SYNRG: variants seen among roughly 807,000 people sequenced by gnomAD.
SYNRG encodes the protein synergin gamma, also known as AP1 gamma subunit binding protein 1.
A neutral mutation model predicts 130.9 loss-of-function variants in SYNRG; 37 were observed. That is an observed-to-expected ratio of 0.28 (90% CI 0.22 to 0.37). The LOEUF (loss-of-function observed/expected upper bound fraction) is 0.37, where lower values mean the gene tolerates loss of function less well. Ranked by LOEUF, SYNRG falls within the 10% of genes least tolerant of loss-of-function variation. The probability of loss-of-function intolerance (pLI) is 1.00; values close to 1 mark genes in which losing one functional copy is unlikely to be tolerated. For synonymous variants in SYNRG, 539 were observed against 568.1 expected (o/e 0.95, Z 0.73); for missense variants, 1,338 against 1,588.9 (o/e 0.84, Z 2.68).
At position 37,518,085 on chromosome 17, in the gene SYNRG, T is replaced by A. The variant is rs145087194; in HGVS notation, c.*855A>T. ...CAAAGTCAGGCAGTGTTGGTCCCTA[T>A]GCAGTCATCTTTGGAAATTTGGAGA... On this transcript the variant is annotated 3_prime_UTR_variant, in exon 22 of 22. Transcript: ENST00000612223. The A allele has an allele frequency of 6.6e-5, 10 of 152,384 alleles. No individual in the cohort carries two copies. The highest frequency in any genetic ancestry group is 2.4e-4 in the African/African-American group (10 of 41,602). 9.4% of individuals were successfully genotyped at this position (152,384 alleles called of 1,614,324 possible). A position where few individuals can be genotyped will look rare whatever the true frequency, so the allele number is the denominator to read the frequency against.
chr17:37,555,869 G>A lies in SYNRG; in HGVS notation c.1664-1810C>T, dbSNP rs563743493. Among the ~76,000 whole-genome samples the A allele has an allele frequency of 7.9e-5, 12 of 152,244 alleles. No homozygotes were observed. In the South Asian group the frequency reaches 2.5e-3, roughly 32 times the overall value. On this transcript the variant is annotated intron_variant, in intron 13 of 21. Transcript: ENST00000612223. ...TGCAGTGAGCCAAGATCCCACCGCTGCACTCCAGCCTGGGGGACAGAGAGA... is the reference window on the plus strand; with the variant it reads ...TGCAGTGAGCCAAGATCCCACCGCTACACTCCAGCCTGGGGGACAGAGAGA...
rs1249123287 is a variant in SYNRG, at chr17:37,609,405, T to G, written c.-50A>C. 3 of 1,380,284 alleles carry G rather than the reference T, an allele frequency of 2.2e-6. No homozygotes were observed. In the East Asian group the frequency reaches 9.2e-5, roughly 42 times the overall value. The allele number at this position is 1,380,284 out of a possible 1,614,324, so 85.5% of individuals were successfully genotyped here. A position where few individuals can be genotyped will look rare whatever the true frequency, so the allele number is the denominator to read the frequency against. On this transcript the variant is annotated 5_prime_UTR_variant, in exon 1 of 22. Transcript: ENST00000612223. ...TCGCCGCCGCCACCTTATCAGCAGC[T>G]GTCAGCTGAACACAGCCACTTCCGG...
At chr17:37,537,944 G>C (rs2057367616) in intron 18 of SYNRG, among the ~76,000 whole-genome samples, 1 of 152,250 alleles carries the variant, frequency 6.6e-6, no homozygotes, top group East Asian at 1.9e-4. Flanking sequence ...GCTGCAGATG[G>C]CCAGGAGGTT....
rs1185889666 is a variant in SYNRG, at chr17:37,577,565, G to T, written c.638C>A (p.Ser213Tyr). 6.2e-7 allele frequency: 1 copy of T among 1,613,986 alleles called. No homozygotes were observed. Among genetic ancestry groups the T allele is most frequent in the Admixed American group, 1.7e-5 (1 of 59,970 alleles). The change falls in exon 7 of 22, where the codon TCT becomes TAT. Residue 213 changes from serine (S) to tyrosine (Y), a missense_variant. Ser to Tyr is a moderately radical substitution (Grantham distance 144). This residue lies in a region of SYNRG where 1,146 missense variants were observed against 1,342.3 expected (regional missense o/e 0.85). Transcript: ENST00000612223. ...KFLVSCDIST[S>Y]GQEQIKLNTS... ...ATTTAATTTAATTTGTTCCTGCCCA[G>T]ATGTACTTATATCACAAGATACTAG...
chr17:37,541,349 A>G (rs2057740806), intron 15 of SYNRG: 1 of 698,274 alleles, frequency 1.4e-6, no homozygotes, highest in African/African-American at 1.9e-5. Flanking sequence ...GTCCGCTGAG[A>G]CAGGAAGCGG....
Position 37,543,586 on chromosome 17 carries a change from T to C in SYNRG, c.2609-1021A>G, listed in dbSNP as rs139124295. ...AGACCATGTACTTGGAAGGACTGTGTTATGACCATCAACCATGATCATGTG... is the reference window on the plus strand; with the variant it reads ...AGACCATGTACTTGGAAGGACTGTGCTATGACCATCAACCATGATCATGTG... On this transcript the variant is annotated intron_variant, in intron 14 of 21. Transcript: ENST00000612223. Among the ~76,000 whole-genome samples the C allele has an allele frequency of 4.9e-4, 74 of 152,336 alleles. 1 individual carries two copies. The highest frequency in any genetic ancestry group is 1.7e-3 in the African/African-American group (70 of 41,580).
chr17:37,523,731 C>T (rs2055446281), intron 19 of SYNRG, among the ~76,000 whole-genome samples: 1 of 152,152 alleles, frequency 6.6e-6, no homozygotes, highest in Non-Finnish European at 1.5e-5. Context: ...TTGTCTCCAC[C>T]AGCACACAGT....
At chr17:37,534,274 T>C (rs531265918) in intron 19 of SYNRG, among the ~76,000 whole-genome samples, 10 of 152,222 alleles carry the variant, frequency 6.6e-5, no homozygotes, top group African/African-American at 2.4e-4. Context: ...CTACTAATAA[T>C]ATGTAGGATT....
At chr17:37,554,283 G>A (rs2058937726) in intron 13 of SYNRG, among the ~76,000 whole-genome samples, 1 of 152,108 alleles carries the variant, frequency 6.6e-6, no homozygotes, top group African/African-American at 2.4e-5. Context: ...GTACCTGACG[G>A]TACCATTTTC....
At chr17:37,602,572 G>A (rs1267622190) in intron 1 of SYNRG, among the ~76,000 whole-genome samples, 1 of 152,078 alleles carries the variant, frequency 6.6e-6, no homozygotes, top group Non-Finnish European at 1.5e-5. Flanking sequence ...TGAGAATGAA[G>A]ATTAAAAAAT....
intron 8 of SYNRG, among the ~76,000 whole-genome samples, chr17:37,573,190 T>A (rs1187849876): frequency 1.3e-5 from 2 of 151,950 alleles, no homozygotes; most frequent in Non-Finnish European, 2.9e-5. Flanking sequence ...GGTCACAAGG[T>A]CAGGAGTTCG....
chr17:37,581,609 T>C (rs999639587), intron 6 of SYNRG, among the ~76,000 whole-genome samples: 1 of 147,866 alleles, frequency 6.8e-6, no homozygotes, highest in African/African-American at 2.5e-5. Flanking sequence ...TTTTTGGAGA[T>C]GGAGTCTAGC....
chr17:37,592,023 C>T (rs542701037), intron 3 of SYNRG, among the ~76,000 whole-genome samples: 1 of 151,794 alleles, frequency 6.6e-6, no homozygotes, highest in Non-Finnish European at 1.5e-5. Context: ...AAGCTAAAGA[C>T]AAGAAGAAAA....
chr17:37,520,511 T>G (rs200453130), intron 20 of SYNRG, 27 bp downstream of exon 20: 4 of 1,601,120 alleles, frequency 2.5e-6, no homozygotes, highest in Non-Finnish European at 3.4e-6. Flanking sequence ...AGCCCTTTGC[T>G]GTCTGCAAGG....
Position 37,594,275 on chromosome 17 carries a change from T to A in SYNRG, c.240+1948A>T, listed in dbSNP as rs377067497. On this transcript the variant is annotated intron_variant, in intron 3 of 21. Transcript: ENST00000612223. ...TTTAATTATATTAATTACAATAATA[T>A]TAATTTTAATTATATTAATTACAAT... Among the ~76,000 whole-genome samples, 44 of 143,722 alleles carry A rather than the reference T, an allele frequency of 3.1e-4. 2 individuals are homozygous for A. The South Asian group carries it at 4.4e-3, about 14-fold the overall frequency. The allele number at this position is 143,722 out of a possible 152,430, so 94.3% of individuals were successfully genotyped here.
intron 8 of SYNRG, among the ~76,000 whole-genome samples, 166 bp from the exon 9 acceptor site, chr17:37,572,153 C>A (rs140081095): frequency 6.6e-6 from 1 of 152,274 alleles, no homozygotes; most frequent in East Asian, 1.9e-4. Flanking sequence ...TGCAGCTGGG[C>A]GTGGTGGCTC....
chr17:37,533,227 C>T (rs2056821191), intron 19 of SYNRG, among the ~76,000 whole-genome samples: 3 of 152,162 alleles, frequency 2.0e-5, no homozygotes, highest in Admixed American at 2.0e-4. Flanking sequence ...ATGGCGAGAC[C>T]CCGTCTCTAC....
chr17:37,592,966 A>G (rs1482521706), intron 3 of SYNRG, among the ~76,000 whole-genome samples: 1 of 152,212 alleles, frequency 6.6e-6, no homozygotes, highest in African/African-American at 2.4e-5. Context: ...AGGTTTACAC[A>G]TGTCCATCAT....
chr17:37,540,572 G>GT lies in SYNRG; in HGVS notation c.3203-30dup, dbSNP rs2057655300. 3 of 1,603,906 alleles carry GT rather than the reference G, an allele frequency of 1.9e-6. No individual in the cohort carries two copies. In the African/African-American group the frequency reaches 4.1e-5, roughly 22 times the overall value. On this transcript the variant is annotated intron_variant, in intron 15 of 21. Transcript: ENST00000612223. ...GGAGAAGGGGATAATACAGTCAAAG[G>GT]TTTTGGCTACTCACCTTAGTTCAGG... is the stretch of plus-strand genomic sequence containing the variant.
Sources: gnomAD v4.1 joint callset for allele counts (sites outside exome capture counted in the v4.1 genomes callset) on GRCh38, gnomAD v4.1.1 for gene constraint, gnomAD v4.1.1 regional missense constraint, MANE v1.5 for transcripts, NCBI Gene and HGNC (gene_info 2026-07-23, HGNC 2026-07-21) for gene names.